Variants in TNFSF4 observed in about 807,000 individuals in gnomAD.
TNFSF4 encodes the protein tumor necrosis factor ligand superfamily member 4.
TNFSF4 carries 4 observed loss-of-function variants against 7.3 expected under a neutral mutation model. That is an observed-to-expected ratio of 0.55 (90% confidence interval 0.27 to 1.25). The LOEUF (loss-of-function observed/expected upper bound fraction) is 1.25, where lower values mean the gene tolerates loss of function less well. Among genes scored for constraint, TNFSF4 ranks in the 50% most tolerant of loss-of-function variants. TNFSF4 has a pLI of 0.12. For missense variants in TNFSF4, 181 were observed against 208.8 expected, an observed-to-expected ratio of 0.87 and a Z score of 0.82; for synonymous variants, 76 against 83.7, an observed-to-expected ratio of 0.91 and a Z score of 0.50.
At chr1:173,292,668 T>G in the TNFSF4 span, among the ~76,000 whole-genome samples, 1 of 149,386 alleles carries the variant, frequency 6.7e-6, no homozygotes, top group South Asian at 2.1e-4. Context: ...AAAAAAGAAA[T>G]AAAAGGCATC....
chr1:173,205,741 C>T (rs1187940318), intron 1 of TNFSF4: 9 of 237,166 alleles, frequency 3.8e-5, no homozygotes, highest in Non-Finnish European at 3.5e-5. Flanking sequence ...GGCATCCTGC[C>T]ATGGACACCT....
chr1:173,399,354 G>A, the TNFSF4 span, among the ~76,000 whole-genome samples: 4 of 152,182 alleles, frequency 2.6e-5, no homozygotes, highest in African/African-American at 9.7e-5. Flanking sequence ...GTGAACAGCT[G>A]CAGCACTACA....
At chr1:173,288,526 T>C in the TNFSF4 span, among the ~76,000 whole-genome samples, 1 of 152,080 alleles carries the variant, frequency 6.6e-6, no homozygotes, top group African/African-American at 2.4e-5. Flanking sequence ...TTAATGAACA[T>C]ATATAGAAAT....
chr1:173,447,286 T>A, the TNFSF4 span, among the ~76,000 whole-genome samples: 9 of 152,204 alleles, frequency 5.9e-5, no homozygotes, highest in Non-Finnish European at 1.5e-5. Flanking sequence ...AGTGAAACTA[T>A]TCTGTATGAT....
the TNFSF4 span, among the ~76,000 whole-genome samples, chr1:173,346,242 C>T: frequency 6.6e-6 from 1 of 152,146 alleles, no homozygotes; most frequent in African/African-American, 2.4e-5. Context: ...ATCAGAAATA[C>T]ATATGCTATC....
the TNFSF4 span, among the ~76,000 whole-genome samples, chr1:173,376,536 A>G: frequency 5.9e-5 from 9 of 152,170 alleles, no homozygotes; most frequent in Non-Finnish European, 1.0e-4. Context: ...CTGTCTAGCT[A>G]AAGAATTGTA....
the TNFSF4 span, among the ~76,000 whole-genome samples, chr1:173,329,985 C>T: frequency 1.3e-5 from 2 of 152,134 alleles, no homozygotes; most frequent in African/African-American, 4.8e-5. Flanking sequence ...ACCCTTTCTT[C>T]GGTCATATTT....
chr1:173,211,446 TC>T (rs1313712564), upstream of TNFSF4, among the ~76,000 whole-genome samples: 1 of 152,148 alleles, frequency 6.6e-6, no homozygotes, highest in Non-Finnish European at 1.5e-5. Context: ...TTTTCTTTCC[TC>T]CTCTTTGCCA....
the TNFSF4 span, among the ~76,000 whole-genome samples, chr1:173,361,459 C>T: frequency 2.6e-5 from 4 of 152,114 alleles, no homozygotes; most frequent in Admixed American, 6.5e-5. Flanking sequence ...ATTAGCTGGG[C>T]GTGGTGGCAT....
the TNFSF4 span, among the ~76,000 whole-genome samples, chr1:173,312,197 C>T: frequency 6.6e-6 from 1 of 152,102 alleles, no homozygotes; most frequent in Admixed American, 6.6e-5. Flanking sequence ...TACAGATTTA[C>T]AACCCACTAG....
At chr1:173,274,474 C>T in the TNFSF4 span, among the ~76,000 whole-genome samples, 7,730 of 152,118 alleles carry the variant, frequency 0.051, 241 homozygotes, top group East Asian at 0.13. Context: ...AGATTACTTT[C>T]CAAGATTGTA....
the TNFSF4 span, among the ~76,000 whole-genome samples, chr1:173,347,457 C>G: frequency 6.6e-6 from 1 of 152,218 alleles, no homozygotes; most frequent in African/African-American, 2.4e-5. Context: ...GTGCCACACA[C>G]TGGGAATGAG....
the TNFSF4 span, among the ~76,000 whole-genome samples, chr1:173,426,544 G>A: frequency 0.8 from 121,175 of 152,068 alleles, 48,343 homozygotes; most frequent in South Asian, 0.88. Context: ...AAATACAGAG[G>A]TTATTCTGGA....
the TNFSF4 span, among the ~76,000 whole-genome samples, chr1:173,291,842 A>T: frequency 1.3e-5 from 2 of 152,116 alleles, no homozygotes; most frequent in African/African-American, 4.8e-5. Context: ...CAGAAATATA[A>T]ATAGTCCTCA....
the TNFSF4 span, among the ~76,000 whole-genome samples, chr1:173,434,846 C>A: frequency 6.6e-6 from 1 of 152,194 alleles, no homozygotes; most frequent in Non-Finnish European, 1.5e-5. Flanking sequence ...CAGAGAAATT[C>A]TCAGTGTCAG....
chr1:173,267,240 A>G, the TNFSF4 span, among the ~76,000 whole-genome samples: 1 of 152,154 alleles, frequency 6.6e-6, no homozygotes, highest in South Asian at 2.1e-4. Context: ...CATAGTGAGT[A>G]TCCTGGAATT....
At chr1:173,295,499 C>T in the TNFSF4 span, among the ~76,000 whole-genome samples, 31 of 152,130 alleles carry the variant, frequency 2.0e-4, no homozygotes, top group Middle Eastern at 3.4e-3. Flanking sequence ...TTCACCTGAT[C>T]TGGACACAAC....
At chr1:173,405,666 TG>T in the TNFSF4 span, among the ~76,000 whole-genome samples, 2,090 of 152,356 alleles carry the variant, frequency 0.014, 59 homozygotes, top group African/African-American at 0.048. Flanking sequence ...GTCTGAATCA[TG>T]TACAACTCAT....
At chr1:173,293,459 A>C in the TNFSF4 span, among the ~76,000 whole-genome samples, 1 of 152,150 alleles carries the variant, frequency 6.6e-6, no homozygotes, top group African/African-American at 2.4e-5. Flanking sequence ...CCTTATACAA[A>C]AATCAACCCA....
Sources: gnomAD v4.1 joint callset for allele counts (sites outside exome capture counted in the v4.1 genomes callset) on GRCh38, gnomAD v4.1.1 for gene constraint, MANE v1.5 for transcripts, NCBI Gene and HGNC (gene_info 2026-07-23, HGNC 2026-07-21) for gene names.